TMEM132D: variants seen among roughly 807,000 people sequenced by gnomAD.
The protein encoded by TMEM132D is mature OL transmembrane protein.
TMEM132D carries 21 observed loss-of-function variants against 62.3 expected under a neutral mutation model. The observed-to-expected ratio is 0.34, with a 90% CI of 0.24 to 0.49. The LOEUF (loss-of-function observed/expected upper bound fraction) is 0.49, where lower values mean the gene tolerates loss of function less well. TMEM132D is among the 20% of genes least tolerant of loss of function. The pLI is 0.99. For synonymous variants in TMEM132D, 621 were observed against 575.6 expected, an observed-to-expected ratio of 1.08 and a Z score of -1.13; for missense variants, 1,346 against 1,402.8, an observed-to-expected ratio of 0.96 and a Z score of 0.65.
intron 2 of TMEM132D, among the ~76,000 whole-genome samples, chr12:129,679,978 G>A (rs139111039): frequency 3.3e-5 from 5 of 152,152 alleles, no homozygotes; most frequent in African/African-American, 1.2e-4. Flanking sequence ...TTTTATGCTG[G>A]TATAATGTGT....
At chr12:129,739,894 T>C (rs1367203101) in intron 1 of TMEM132D, among the ~76,000 whole-genome samples, 1 of 152,132 alleles carries the variant, frequency 6.6e-6, no homozygotes, top group Non-Finnish European at 1.5e-5. Flanking sequence ...GCTCGAGGAG[T>C]ACCTACTTTT....
chr12:129,795,746 T>A (rs1041704258), intron 1 of TMEM132D, among the ~76,000 whole-genome samples: 17 of 152,244 alleles, frequency 1.1e-4, no homozygotes, highest in Non-Finnish European at 1.6e-4. Flanking sequence ...AGGTCTCCTT[T>A]ACTAACACGT....
chr12:129,178,081 TC>T (rs1247232662), intron 5 of TMEM132D, among the ~76,000 whole-genome samples: 1 of 152,200 alleles, frequency 6.6e-6, no homozygotes, highest in African/African-American at 2.4e-5. Flanking sequence ...TTCATCCATG[TC>T]CCTGCAAAGG....
intron 1 of TMEM132D, among the ~76,000 whole-genome samples, chr12:129,831,866 C>CTTGCTT (rs1872844996): frequency 9.6e-6 from 1 of 104,680 alleles, no homozygotes; most frequent in African/African-American, 3.0e-5. Context: ...CTTTTTCTTT[C>CTTGCTT]TTTCTTTTTC....
chr12:129,655,539 G>A (rs1418287216), intron 2 of TMEM132D, among the ~76,000 whole-genome samples: 2 of 151,972 alleles, frequency 1.3e-5, no homozygotes, highest in Non-Finnish European at 2.9e-5. Context: ...GAGCCACCAC[G>A]CCTGGTCCCT....
chr12:129,708,358 T>C (rs1881554540), intron 1 of TMEM132D, among the ~76,000 whole-genome samples: 1 of 152,000 alleles, frequency 6.6e-6, no homozygotes, highest in African/African-American at 2.4e-5. Context: ...CCTTTGTGAG[T>C]CCTGACCCTT....
intron 3 of TMEM132D, among the ~76,000 whole-genome samples, chr12:129,514,048 C>G (rs1256770641): frequency 2.0e-5 from 3 of 150,796 alleles, no homozygotes; most frequent in Non-Finnish European, 4.4e-5. Flanking sequence ...ACTGTGTCAG[C>G]CAGGATGGTC....
At chr12:129,682,904 T>C (rs1035475383) in intron 2 of TMEM132D, 2 of 146,026 alleles carry the variant, frequency 1.4e-5, no homozygotes, top group African/African-American at 5.1e-5. Context: ...ATTTTGGTCA[T>C]GGTAGATACA....
chr12:129,106,774 A>G (rs945957384), intron 5 of TMEM132D, among the ~76,000 whole-genome samples: 3 of 152,066 alleles, frequency 2.0e-5, no homozygotes, highest in Non-Finnish European at 4.4e-5. Flanking sequence ...TCTGATTGGA[A>G]ACACTTAAGA....
intron 3 of TMEM132D, among the ~76,000 whole-genome samples, chr12:129,487,646 A>G (rs1482932120): frequency 6.6e-6 from 1 of 152,064 alleles, no homozygotes; most frequent in Non-Finnish European, 1.5e-5. Flanking sequence ...TCATGGAGTC[A>G]TGAGGGTTCT....
At chr12:129,902,269 T>G (rs1445895773) in intron 1 of TMEM132D, among the ~76,000 whole-genome samples, 2 of 152,198 alleles carry the variant, frequency 1.3e-5, no homozygotes, top group African/African-American at 4.8e-5. Flanking sequence ...GAGAGAGATC[T>G]CATCTCAAAA....
intron 3 of TMEM132D, among the ~76,000 whole-genome samples, chr12:129,426,653 T>C (rs1167105386): frequency 6.6e-6 from 1 of 152,198 alleles, no homozygotes; most frequent in Non-Finnish European, 1.5e-5. Flanking sequence ...AGGTTCGAAA[T>C]AATAATACCA....
chr12:129,881,496 A>C (rs11060602), intron 1 of TMEM132D, among the ~76,000 whole-genome samples: 16,763 of 152,086 alleles, frequency 0.11, 1,700 homozygotes, highest in East Asian at 0.59. Flanking sequence ...CCTACAAAGT[A>C]TAGTCTTTGA....
intron 2 of TMEM132D, among the ~76,000 whole-genome samples, chr12:129,551,469 T>G (rs1876895814): frequency 6.6e-6 from 1 of 152,212 alleles, no homozygotes. Context: ...TTGTCCCTAA[T>G]GTAATTTTAC....
At chr12:129,177,314 C>T (rs142327420) in intron 5 of TMEM132D, among the ~76,000 whole-genome samples, 575 of 152,226 alleles carry the variant, frequency 3.8e-3, no homozygotes, top group Middle Eastern at 0.014. Context: ...CAAACAAAAA[C>T]CCAGCTCCAA....
chr12:129,406,157 C>T (rs1871776834), intron 3 of TMEM132D, among the ~76,000 whole-genome samples: 2 of 152,220 alleles, frequency 1.3e-5, no homozygotes, highest in South Asian at 2.1e-4. Flanking sequence ...AGCTTTACAA[C>T]ATACACCTTT....
chr12:129,863,779 G>A (rs1016559219), intron 1 of TMEM132D, among the ~76,000 whole-genome samples: 19 of 152,036 alleles, frequency 1.2e-4, no homozygotes, highest in African/African-American at 4.1e-4. Context: ...GTTTGTTTCT[G>A]TTTTTGTTTT....
chr12:129,213,137 A>G lies in TMEM132D; in HGVS notation c.1300-3474T>C, dbSNP rs76535960. ...CCTGGGGCTGATCCTGCAGGGGATG[A>G]TGTATTTCACGACATATATTGTATA... On this transcript the variant is annotated intron_variant, in intron 4 of 8. Transcript: ENST00000422113. 7.6e-3 allele frequency among the ~76,000 whole-genome samples: 1,153 copies of G among 152,260 alleles called. 26 individuals carry two copies. The highest frequency in any genetic ancestry group is 0.051 in the East Asian group (263 of 5,174).
chr12:129,317,979 A>G (rs1466390024), intron 4 of TMEM132D, among the ~76,000 whole-genome samples: 1 of 152,150 alleles, frequency 6.6e-6, no homozygotes, highest in Non-Finnish European at 1.5e-5. Context: ...AATATGTCCA[A>G]ATTTCCTGAA....
Sources: allele counts gnomAD v4.1 joint callset (sites outside exome capture counted in the v4.1 genomes callset), GRCh38; gene constraint gnomAD v4.1.1; transcripts MANE v1.5; gene names NCBI Gene and HGNC (gene_info 2026-07-23, HGNC 2026-07-21).